Variants in SPP2 observed in about 807,000 individuals in gnomAD.
The protein encoded by SPP2 is secreted phosphoprotein 24.
In SPP2, 34 loss-of-function variants were observed where a neutral mutation model predicts 28.8. The ratio of observed to expected loss-of-function variants is 1.18; its 90% CI spans 0.90 to 1.57. SPP2 has a LOEUF of 1.57. SPP2 is among the 40% of genes most tolerant of loss of function. The pLI is 0.00. For synonymous variants in SPP2, 96 were observed against 89.4 expected (o/e 1.07, Z -0.42); for missense variants, 269 against 263.9 (o/e 1.02, Z -0.13).
chr2:234,070,129 C>T, intron 7 of SPP2, 106 bp downstream of exon 7: 2 of 868,272 alleles, frequency 2.3e-6, no homozygotes, highest in Non-Finnish European at 3.6e-6. Flanking sequence ...CTATTCAAAT[C>T]CTTGCTTTTC....
At chr2:234,062,135 T>C (rs1482750861) in intron 4 of SPP2, among the ~76,000 whole-genome samples, 5 of 152,080 alleles carry the variant, frequency 3.3e-5, no homozygotes, top group African/African-American at 1.2e-4. Context: ...GTGCTAGCCT[T>C]TGTGGAGTTT....
chr2:234,060,550 T>C (rs571716912), intron 4 of SPP2, 71 bp downstream of exon 4: 1 of 1,246,040 alleles, frequency 8.0e-7, no homozygotes, highest in African/African-American at 1.5e-5. Context: ...AAAAACAGAG[T>C]GGTTTGCTGG....
intron 2 of SPP2, among the ~76,000 whole-genome samples, chr2:234,051,788 A>G (rs1693503044): frequency 1.3e-5 from 2 of 152,162 alleles, no homozygotes; most frequent in South Asian, 2.1e-4. Context: ...GAGGTTCTAT[A>G]AAGTTGCACA....
chr2:234,054,396 C>T (rs757686376), intron 2 of SPP2, among the ~76,000 whole-genome samples: 10 of 151,994 alleles, frequency 6.6e-5, no homozygotes, highest in African/African-American at 1.5e-4. Context: ...CTTGGGCCAC[C>T]GTAACAAAGT....
At chr2:234,071,680 C>T (rs2125472595) in intron 7 of SPP2, among the ~76,000 whole-genome samples, 1 of 152,320 alleles carries the variant, frequency 6.6e-6, no homozygotes, top group East Asian at 1.9e-4. Flanking sequence ...GTCCAAACTC[C>T]CAGTGTAGCT....
intron 2 of SPP2, among the ~76,000 whole-genome samples, chr2:234,052,065 A>G (rs926477333): frequency 6.6e-6 from 1 of 152,136 alleles, no homozygotes; most frequent in African/African-American, 2.4e-5. Context: ...CTCTTTTCCA[A>G]ATTTCAAGGG....
chr2:234,056,160 T>C (rs1007241763), intron 2 of SPP2: 2 of 152,004 alleles, frequency 1.3e-5, no homozygotes, highest in African/African-American at 4.8e-5. Flanking sequence ...ATTTTTGCAA[T>C]CTACTCATCT....
chr2:234,055,496 C>CA (rs1416958409), intron 2 of SPP2, among the ~76,000 whole-genome samples: 1 of 152,176 alleles, frequency 6.6e-6, no homozygotes, highest in Non-Finnish European at 1.5e-5. Context: ...ATCTGGGCAC[C>CA]ATGGTTCAGT....
At chr2:234,060,313 G>C in intron 3 of SPP2, 56 bp from the exon 4 acceptor site, 1 of 1,184,624 alleles carries the variant, frequency 8.4e-7, no homozygotes, top group Non-Finnish European at 1.3e-6. Flanking sequence ...ACTCAATGGA[G>C]GCTATCCCTT....
intron 2 of SPP2, 88 bp from the exon 3 acceptor site, chr2:234,058,748 T>C: frequency 7.0e-7 from 1 of 1,437,352 alleles, no homozygotes; most frequent in South Asian, 1.5e-5. Flanking sequence ...TTCTGTAATT[T>C]TTTTCTTATG....
intron 2 of SPP2, among the ~76,000 whole-genome samples, chr2:234,052,721 C>A (rs899218453): frequency 6.6e-6 from 1 of 152,180 alleles, no homozygotes; most frequent in East Asian, 1.9e-4. Context: ...CCTATTCTTG[C>A]CTCTCCCTGC....
chr2:234,072,468 G>T (rs1032731558), intron 7 of SPP2, among the ~76,000 whole-genome samples: 2 of 151,890 alleles, frequency 1.3e-5, no homozygotes, highest in African/African-American at 2.4e-5. Context: ...GCTGTATTTT[G>T]TTTATTAGTA....
At chr2:234,069,023 G>A (rs1235692587) in intron 6 of SPP2, among the ~76,000 whole-genome samples, 2 of 152,120 alleles carry the variant, frequency 1.3e-5, no homozygotes, top group African/African-American at 2.4e-5. Flanking sequence ...CTTGACTGGG[G>A]TTGAAGGAGC....
chr2:234,075,939 A>T (rs1346391386), intron 7 of SPP2, among the ~76,000 whole-genome samples: 2 of 152,136 alleles, frequency 1.3e-5, no homozygotes, highest in Non-Finnish European at 1.5e-5. Context: ...TTGGTCACCG[A>T]GGTCTGCTAA....
At chr2:234,054,574 T>C (rs1559171001) in intron 2 of SPP2, among the ~76,000 whole-genome samples, 2 of 152,200 alleles carry the variant, frequency 1.3e-5, no homozygotes, top group East Asian at 3.9e-4. Context: ...TATCCTCACA[T>C]GGCAGAAAGA....
At chr2:234,057,354 G>A (rs909417215) in intron 2 of SPP2, among the ~76,000 whole-genome samples, 2 of 152,180 alleles carry the variant, frequency 1.3e-5, no homozygotes, top group Non-Finnish European at 2.9e-5. Flanking sequence ...CACAAGAGTC[G>A]GAGTTGTCCC....
At position 234,077,110 on chromosome 2, in the gene SPP2, A is replaced by C. The variant is rs1690913788; in HGVS notation, c.*276A>C. ...TTTCTTCTGATCAGTTTCAATCTGT[A>C]ATAAATGCCTTATTTTTCCTGTAAG... On this transcript the variant is annotated 3_prime_UTR_variant, in exon 8 of 8. Transcript: ENST00000168148. The C allele has an allele frequency of 6.6e-6, 1 of 152,196 alleles. No individual in the cohort carries two copies. The highest frequency in any genetic ancestry group is 2.1e-4 in the South Asian group (1 of 4,828). 9.4% of individuals were successfully genotyped at this position (152,196 alleles called of 1,614,324 possible). A position where few individuals can be genotyped will look rare whatever the true frequency, so the allele number is the denominator to read the frequency against.
chr2:234,053,179 AC>A (rs113695462), intron 2 of SPP2, among the ~76,000 whole-genome samples: 47,906 of 152,064 alleles, frequency 0.32, 8,020 homozygotes, highest in South Asian at 0.48. Flanking sequence ...GGTGAAAAAA[AC>A]ATCACAACTG....
At chr2:234,060,269 A>T in intron 3 of SPP2, 100 bp from the exon 4 acceptor site, 1 of 808,970 alleles carries the variant, frequency 1.2e-6, no homozygotes. Flanking sequence ...TTTCTTTGTC[A>T]TTTCGTCAAA....
Sources: gnomAD v4.1 joint callset for allele counts (sites outside exome capture counted in the v4.1 genomes callset) on GRCh38, gnomAD v4.1.1 for gene constraint, MANE v1.5 for transcripts, NCBI Gene and HGNC (gene_info 2026-07-23, HGNC 2026-07-21) for gene names.